GNG8: variants seen among roughly 807,000 people sequenced by gnomAD.
The protein encoded by GNG8 is guanine nucleotide-binding protein G(I)/G(S)/G(O) subunit gamma-8.
A neutral mutation model predicts 4.6 loss-of-function variants in GNG8; 3 were observed. The ratio of observed to expected loss-of-function variants is 0.65; its 90% CI spans 0.29 to 1.67. The LOEUF (loss-of-function observed/expected upper bound fraction) is 1.67, where lower values mean the gene tolerates loss of function less well. Among genes scored for constraint, GNG8 ranks in the 40% most tolerant of loss-of-function variants. The pLI, the probability that GNG8 is intolerant of heterozygous loss-of-function variation, is 0.10. For missense variants in GNG8, 88 were observed against 95.2 expected, an observed-to-expected ratio of 0.92 and a Z score of 0.32; for synonymous variants, 32 against 40.5, an observed-to-expected ratio of 0.79 and a Z score of 0.80.
upstream of GNG8, chr19:46,638,999 A>C (rs1331387512): frequency 6.5e-6 from 1 of 154,138 alleles, no homozygotes; most frequent in Non-Finnish European, 1.4e-5. The surrounding 1 kb of genome is among the most constrained non-coding windows in gnomAD (Gnocchi z 4.7). Context: ...AGAGAGACAG[A>C]GACGGGGAGG....
At position 46,634,454 on chromosome 19, in the gene GNG8, G is replaced by T. The variant is rs1287555703; in HGVS notation, c.84+145C>A. ...CCTGTTCTGCCCCTCCCCTCGTCCTGGCCCCTCCTCCTGCCCTGCCCCGCC... is the reference window on the plus strand; with the variant it reads ...CCTGTTCTGCCCCTCCCCTCGTCCTTGCCCCTCCTCCTGCCCTGCCCCGCC... On this transcript the variant is annotated intron_variant, in intron 2 of 2. Coordinates refer to ENST00000693335, the MANE Select transcript of GNG8 (RefSeq NM_033258.2). The T allele has an allele frequency of 5.4e-6, 3 of 557,578 alleles. No homozygotes were observed. The East Asian group carries it at 1.2e-4, about 22-fold the overall frequency. The allele number at this position is 557,578 out of a possible 1,614,324, so 34.5% of individuals were successfully genotyped here.
At position 46,634,491 on chromosome 19, in the gene GNG8, C is replaced by A. The variant is rs541617696; in HGVS notation, c.84+108G>T. 7 of 1,073,150 alleles carry A rather than the reference C, an allele frequency of 6.5e-6. No individual in the cohort carries two copies. The East Asian group carries it at 1.8e-4, about 27-fold the overall frequency. The allele number at this position is 1,073,150 out of a possible 1,614,324, so 66.5% of individuals were successfully genotyped here. On this transcript the variant is annotated intron_variant, in intron 2 of 2. Coordinates refer to ENST00000693335, the MANE Select transcript of GNG8 (RefSeq NM_033258.2). The stretch of plus-strand genomic sequence containing the variant: ...TGCCCTGCCCCGCCCCTTGCCCAGC[C>A]CTGTTCCCAGGGGCATCCTTGCACT...
At chr19:46,638,345 C>T (rs2052881555), upstream of GNG8, 1 of 153,054 alleles carries the variant, frequency 6.5e-6, no homozygotes, top group African/African-American at 2.4e-5. The surrounding 1 kb of genome is among the most constrained non-coding windows in gnomAD (Gnocchi z 4.7). Flanking sequence ...CCTTGTCGCA[C>T]ATAATCTCAT....
chr19:46,634,527 G>A (rs2052851075), intron 2 of GNG8, 72 bp downstream of exon 2: 1 of 1,384,390 alleles, frequency 7.2e-7, no homozygotes, highest in Admixed American at 1.8e-5. Flanking sequence ...ATGGCTCCGA[G>A]CCGGGCCGAC....
chr19:46,634,160 A>C lies in GNG8; in HGVS notation c.129T>G (p.His43Gln). 6.2e-7 allele frequency: 1 copy of C among 1,613,502 alleles called. No homozygotes were observed. Among genetic ancestry groups the C allele is most frequent in the Non-Finnish European group, 8.5e-7 (1 of 1,179,912 alleles). ...GCGTCACCAGCGGGTCATCTTTGGC[A>C]TGCGTCTCGCAGAAAGCCAGGAGTT... ...AAELLAFCET[H>Q]AKDDPLVTPV... The change falls in exon 3 of 3, where the codon CAT becomes CAG. Residue 43 changes from histidine to glutamine, a missense_variant. By Grantham distance (24) the His-to-Gln change is conservative. Transcript: ENST00000693335.
chr19:46,637,221 C>T (rs544202585), upstream of GNG8: 1 of 152,380 alleles, frequency 6.6e-6, no homozygotes, highest in Non-Finnish European at 1.5e-5. Context: ...TTCATAGTAA[C>T]ACCCAGTCGC....
upstream of GNG8, chr19:46,638,477 TCA>T (rs1194631322): frequency 1.3e-5 from 2 of 153,098 alleles, no homozygotes; most frequent in Admixed American, 1.3e-4. The surrounding 1 kb of genome is among the most constrained non-coding windows in gnomAD (Gnocchi z 4.7). Context: ...CAGTCGACAC[TCA>T]CACAGTTTCC....
At position 46,634,658 on chromosome 19, in the gene GNG8, C is replaced by A; in HGVS notation, c.25G>T (p.Ala9Ser). 6.2e-7 allele frequency: 1 copy of A among 1,613,028 alleles called. No individual in the cohort carries two copies. The change falls in exon 2 of 3, where the codon GCC becomes TCC. Residue 9 changes from alanine to serine, a missense_variant. Transcript: ENST00000693335. ...TGTTCCACCGTCTTGCGGGCCTCGG[C>A]AATCTTGGCCATGTTGTTGGACATG... MSNNMAKIAEARKTVEQLK... is the reference protein window; with the variant it reads MSNNMAKISEARKTVEQLK...
chr19:46,637,242 A>G (rs2052874815), upstream of GNG8: 1 of 152,210 alleles, frequency 6.6e-6, no homozygotes, highest in South Asian at 2.1e-4. Flanking sequence ...CTGTCCAGTG[A>G]CAACCATGGA....
Position 46,634,577 on chromosome 19 carries a change from A to G in GNG8, c.84+22T>C, listed in dbSNP as rs745974545. The G allele has an allele frequency of 1.9e-6, 3 of 1,602,338 alleles. No homozygotes were observed. In the East Asian group the frequency reaches 6.7e-5, roughly 36 times the overall value. ...ACCGCAGGCCCAGAACCCCCGCCCT[A>G]TTCCCCACCCCGACCCAGCACCTTC... On this transcript the variant is annotated intron_variant, in intron 2 of 2. Transcript: ENST00000693335.
upstream of GNG8, chr19:46,638,477 TCACA>T (rs1194631322): frequency 6.5e-6 from 1 of 152,980 alleles, no homozygotes; most frequent in African/African-American, 2.4e-5. The surrounding 1 kb of genome is among the most constrained non-coding windows in gnomAD (Gnocchi z 4.7). Flanking sequence ...CAGTCGACAC[TCACA>T]CAGTTTCCTG....
At position 46,634,678 on chromosome 19, in the gene GNG8, G is replaced by T. The variant is rs746081207; in HGVS notation, c.5C>A (p.Ser2Tyr). ...CTCGGCAATCTTGGCCATGTTGTTG[G>T]ACATGGTTGCGGCGGGGAAGGGGTT... M[S>Y]NNMAKIAEAR... Residue 2 changes from serine to tyrosine, a missense_variant, in exon 2 of 3, where the codon TCC (serine) becomes TAC (tyrosine). By Grantham distance (144) the Ser-to-Tyr change is moderately radical. Transcript: ENST00000693335. 6 of 1,612,830 alleles carry T rather than the reference G, an allele frequency of 3.7e-6. No individual in the cohort carries two copies. The African/African-American group carries it at 8.0e-5, about 22-fold the overall frequency.
intron 2 of GNG8, 99 bp downstream of exon 2, chr19:46,634,500 A>G: frequency 1.0e-6 from 1 of 974,684 alleles, no homozygotes. Flanking sequence ...CCCTGTTCCC[A>G]GGGGCATCCT....
chr19:46,633,984 G>T lies in GNG8; in HGVS notation c.*92C>A, dbSNP rs1599779390. ...TACGGTGGCCCCAAGCTCTGTGCGT[G>T]CCTCAGTCTCCCTGAAAGCACAGGC... On this transcript the variant is annotated 3_prime_UTR_variant, in exon 3 of 3. Coordinates refer to ENST00000693335, the MANE Select transcript of GNG8 (RefSeq NM_033258.2). 7 of 1,440,620 alleles carry T rather than the reference G, an allele frequency of 4.9e-6. No individual in the cohort carries two copies. Among genetic ancestry groups the T allele is most frequent in the Non-Finnish European group, 6.6e-6 (7 of 1,057,186 alleles). The allele number at this position is 1,440,620 out of a possible 1,614,324, so 89.2% of individuals were successfully genotyped here. A position where few individuals can be genotyped will look rare whatever the true frequency, so the allele number is the denominator to read the frequency against.
At chr19:46,638,124 A>G (rs2052880020), upstream of GNG8, 1 of 152,922 alleles carries the variant, frequency 6.5e-6, no homozygotes, top group South Asian at 2.1e-4. This position sits in a 1 kb window ranked among gnomAD's most constrained non-coding sequence, Gnocchi z 4.7. Flanking sequence ...GCCCCCTCAC[A>G]CGCACCGTCA....
At chr19:46,634,338 C>A (rs1434104725) in intron 2 of GNG8, 134 bp from the exon 3 acceptor site, 1 of 1,112,124 alleles carries the variant, frequency 9.0e-7, no homozygotes, top group Non-Finnish European at 1.2e-6. Context: ...TGTCTTACTC[C>A]GCCCCCTCGT....
chr19:46,634,023 C>T lies in GNG8; in HGVS notation c.*53G>A. On this transcript the variant is annotated 3_prime_UTR_variant, in exon 3 of 3. Transcript: ENST00000693335. Reference sequence around the variant, plus strand: ...GAAAGCACAGGCACCACCACAGTTACCAAGTTTATTGGATCCATACTTTGG... The same window carrying T: ...GAAAGCACAGGCACCACCACAGTTATCAAGTTTATTGGATCCATACTTTGG... 3 of 1,566,814 alleles carry T rather than the reference C, an allele frequency of 1.9e-6. No homozygotes were observed. The highest frequency in any genetic ancestry group is 2.6e-6 in the Non-Finnish European group (3 of 1,152,678).
At chr19:46,636,525 C>T (rs1418002097), upstream of GNG8, among the ~76,000 whole-genome samples, 1 of 152,202 alleles carries the variant, frequency 6.6e-6, no homozygotes, top group Non-Finnish European at 1.5e-5. Flanking sequence ...CCACACTCGC[C>T]ACCTCGGTGT....
chr19:46,634,567 C>A, intron 2 of GNG8, 32 bp downstream of exon 2: 2 of 1,585,306 alleles, frequency 1.3e-6, no homozygotes, highest in Non-Finnish European at 1.7e-6. Flanking sequence ...AGGCCCAGAA[C>A]CCCCGCCCTA....
Sources: gnomAD v4.1 joint callset for allele counts (sites outside exome capture counted in the v4.1 genomes callset) on GRCh38, gnomAD v4.1.1 for gene constraint, Gnocchi (gnomAD v3.1) non-coding constraint, MANE v1.5 for transcripts, NCBI Gene and HGNC (gene_info 2026-07-23, HGNC 2026-07-21) for gene names.